The following RABGAP1L variants were observed in gnomAD, a reference collection of about 807,000 sequenced individuals.
The protein encoded by RABGAP1L is RAB GTPase activating protein 1 like, also known as rab GTPase-activating protein 1-like.
In RABGAP1L, 63 loss-of-function variants were observed where a neutral mutation model predicts 137.7. The observed-to-expected ratio is 0.46, with a 90% CI of 0.37 to 0.56. The LOEUF is 0.56. Ranked by LOEUF, RABGAP1L falls within the 20% of genes least tolerant of loss-of-function variation. RABGAP1L has a pLI of 0.00. For missense variants in RABGAP1L, 1,095 were observed against 1,244.0 expected, an observed-to-expected ratio of 0.88 and a Z score of 1.80; for synonymous variants, 431 against 433.7, an observed-to-expected ratio of 0.99 and a Z score of 0.08.
chr1:174,539,983 T>A (rs1665235242), intron 13 of RABGAP1L, among the ~76,000 whole-genome samples: 1 of 152,254 alleles, frequency 6.6e-6, no homozygotes, highest in African/African-American at 2.4e-5. Context: ...ATGATCGCCA[T>A]TCTAACTGGT....
intron 13 of RABGAP1L, among the ~76,000 whole-genome samples, chr1:174,621,841 G>A (rs1031578344): frequency 1.4e-4 from 21 of 152,218 alleles, no homozygotes; most frequent in East Asian, 3.9e-4. Flanking sequence ...ACAAAAGCCA[G>A]AATTGACAAA....
At chr1:174,464,585 G>A (rs1339457048) in intron 13 of RABGAP1L, among the ~76,000 whole-genome samples, 1 of 151,678 alleles carries the variant, frequency 6.6e-6, no homozygotes, top group African/African-American at 2.4e-5. Context: ...AATGTCATTA[G>A]TACCACTGCC....
At chr1:174,718,930 C>T (rs902146427) in intron 17 of RABGAP1L, among the ~76,000 whole-genome samples, 2 of 151,190 alleles carry the variant, frequency 1.3e-5, no homozygotes, top group Middle Eastern at 3.4e-3. Context: ...ACCTCTGCTT[C>T]CCAGCTTCAA....
chr1:174,590,102 T>A (rs1366478199), intron 13 of RABGAP1L, among the ~76,000 whole-genome samples: 1 of 149,700 alleles, frequency 6.7e-6, no homozygotes, highest in Admixed American at 6.7e-5. Context: ...ATCTTTCCAT[T>A]TTTTGTGACC....
intron 19 of RABGAP1L, among the ~76,000 whole-genome samples, chr1:174,856,795 T>C (rs1256141245): frequency 6.6e-6 from 1 of 151,696 alleles, no homozygotes; most frequent in African/African-American, 2.4e-5. Context: ...GGCGTGCTGG[T>C]GCGCACCTGT....
chr1:174,881,249 A>AT (rs1266018671), intron 19 of RABGAP1L, among the ~76,000 whole-genome samples: 1 of 152,144 alleles, frequency 6.6e-6, no homozygotes, highest in Non-Finnish European at 1.5e-5. Flanking sequence ...CCTGTAGCTC[A>AT]TTTTTAAATA....
At chr1:174,408,291 C>A (rs1166263396) in intron 13 of RABGAP1L, among the ~76,000 whole-genome samples, 1 of 152,112 alleles carries the variant, frequency 6.6e-6, no homozygotes, top group Non-Finnish European at 1.5e-5. Context: ...TGTTTATCTC[C>A]CACTCATAAG....
At chr1:174,981,219 T>C (rs1048316429) in intron 23 of RABGAP1L, among the ~76,000 whole-genome samples, 1 of 152,232 alleles carries the variant, frequency 6.6e-6, no homozygotes, top group Non-Finnish European at 1.5e-5. Flanking sequence ...ACAATCTAAA[T>C]GCATTCTATA....
At chr1:174,526,298 G>T (rs934949039) in intron 13 of RABGAP1L, among the ~76,000 whole-genome samples, 2 of 151,910 alleles carry the variant, frequency 1.3e-5, no homozygotes, top group African/African-American at 4.8e-5. Flanking sequence ...GTTTTTTGTT[G>T]TTGTTGTTGT....
intron 13 of RABGAP1L, among the ~76,000 whole-genome samples, chr1:174,467,064 A>G (rs145972720): frequency 6.6e-6 from 1 of 152,342 alleles, no homozygotes; most frequent in East Asian, 1.9e-4. Context: ...GAAATTAAAT[A>G]TAGTCTATTT....
chr1:174,596,866 G>A (rs1039642236), intron 13 of RABGAP1L, among the ~76,000 whole-genome samples: 71 of 152,072 alleles, frequency 4.7e-4, no homozygotes, highest in African/African-American at 1.7e-3. Flanking sequence ...CTTTTATTGT[G>A]TGTTGAAGTA....
chr1:174,872,853 C>T (rs1048510305), intron 19 of RABGAP1L, among the ~76,000 whole-genome samples: 1 of 152,052 alleles, frequency 6.6e-6, no homozygotes, highest in African/African-American at 2.4e-5. Flanking sequence ...TTATTTATCT[C>T]ACTGTGAACA....
intron 23 of RABGAP1L, among the ~76,000 whole-genome samples, 177 bp from the exon 24 acceptor site, chr1:174,982,657 C>T (rs141904389): frequency 4.7e-4 from 71 of 152,326 alleles, no homozygotes; most frequent in African/African-American, 1.5e-3. Context: ...ACATATGGAA[C>T]GCTCCAGCTT....
intron 1 of RABGAP1L, among the ~76,000 whole-genome samples, chr1:174,202,024 C>T (rs1274430532): frequency 6.6e-6 from 1 of 152,016 alleles, no homozygotes; most frequent in African/African-American, 2.4e-5. Flanking sequence ...TGTATATGTG[C>T]CACATTTTCT....
chr1:174,853,237 T>G lies in RABGAP1L; in HGVS notation c.2340+41277T>G, dbSNP rs999931597. ...GAAAGGAGGCTGGGTTGTTTTTTTTTTTTTTAACATCCAGTAAAACATGAT... is the reference window on the plus strand; with the variant it reads ...GAAAGGAGGCTGGGTTGTTTTTTTTGTTTTTAACATCCAGTAAAACATGAT... On this transcript the variant is annotated intron_variant, in intron 19 of 25. Coordinates refer to ENST00000681986, the MANE Select transcript of RABGAP1L (RefSeq NM_001366446.1). Among the ~76,000 whole-genome samples the G allele has an allele frequency of 1.2e-4, 18 of 151,582 alleles. 1 individual carries two copies. Among genetic ancestry groups the G allele is most frequent in the Admixed American group, 1.2e-3 (18 of 15,234 alleles).
intron 13 of RABGAP1L, among the ~76,000 whole-genome samples, chr1:174,423,593 A>G (rs1033918291): frequency 3.9e-5 from 6 of 152,202 alleles, no homozygotes; most frequent in Admixed American, 2.0e-4. Flanking sequence ...GGCTATTTAC[A>G]TGCTAAGTAA....
At chr1:174,171,182 G>C (rs1419789201) in intron 1 of RABGAP1L, among the ~76,000 whole-genome samples, 1 of 152,122 alleles carries the variant, frequency 6.6e-6, no homozygotes, top group Non-Finnish European at 1.5e-5. Flanking sequence ...AATAATCTAT[G>C]AGTCTTTGTT....
intron 14 of RABGAP1L, among the ~76,000 whole-genome samples, chr1:174,652,411 C>A: frequency 6.6e-6 from 1 of 152,142 alleles, no homozygotes; most frequent in Middle Eastern, 3.2e-3. Flanking sequence ...AGCCTTTTTC[C>A]GCTGGTTTTT....
intron 13 of RABGAP1L, among the ~76,000 whole-genome samples, chr1:174,622,632 C>T (rs2148277857): frequency 6.6e-6 from 1 of 152,254 alleles, no homozygotes; most frequent in African/African-American, 2.4e-5. Flanking sequence ...CATGTTCTCA[C>T]TCATAGGTGG....
Sources: allele counts gnomAD v4.1 joint callset (sites outside exome capture counted in the v4.1 genomes callset), GRCh38; gene constraint gnomAD v4.1.1; transcripts MANE v1.5; gene names NCBI Gene and HGNC (gene_info 2026-07-23, HGNC 2026-07-21).